ANKRD13C: variants seen among roughly 807,000 people sequenced by gnomAD.
ANKRD13C encodes ankyrin repeat domain 13C.
ANKRD13C carries 16 observed loss-of-function variants against 65.5 expected under a neutral mutation model. That is an observed-to-expected ratio of 0.24 (90% confidence interval 0.17 to 0.37). The LOEUF is 0.37. Ranked by LOEUF, ANKRD13C falls within the 10% of genes least tolerant of loss-of-function variation. ANKRD13C has a pLI of 1.00. For synonymous variants in ANKRD13C, 235 were observed against 238.7 expected, an observed-to-expected ratio of 0.98 and a Z score of 0.14; for missense variants, 503 against 655.9, an observed-to-expected ratio of 0.77 and a Z score of 2.55.
chr1:70,333,903 G>A (rs1681910943), intron 2 of ANKRD13C, among the ~76,000 whole-genome samples: 1 of 152,038 alleles, frequency 6.6e-6, no homozygotes, highest in Admixed American at 6.6e-5. Flanking sequence ...TCTCTAACAT[G>A]TAGCCTTTTA....
At chr1:70,307,412 CAAAT>C (rs1180268768) in intron 5 of ANKRD13C, among the ~76,000 whole-genome samples, 1 of 151,636 alleles carries the variant, frequency 6.6e-6, no homozygotes, top group Non-Finnish European at 1.5e-5. Flanking sequence ...AAACCAGTCT[CAAAT>C]AAATAAATAA....
At chr1:70,342,941 A>G (rs1053816852) in intron 1 of ANKRD13C, among the ~76,000 whole-genome samples, 1 of 152,202 alleles carries the variant, frequency 6.6e-6, no homozygotes, top group African/African-American at 2.4e-5. Flanking sequence ...CAGAGTCTAG[A>G]CAGATAACCT....
rs1380060461 is a variant in ANKRD13C, at chr1:70,263,929, G to GAA, written c.1496-1083_1496-1082insTT. ...CTAGTATTTTATTGCAGAAAGTTAT[G>GAA]TTCTTATGTAAAAAGGAAAACAAAA... On this transcript the variant is annotated intron_variant, in intron 12 of 12. Transcript: ENST00000370944. 2.0e-5 allele frequency among the ~76,000 whole-genome samples: 3 copies of GAA among 152,122 alleles called. No individual in the cohort carries two copies. In the South Asian group the frequency reaches 6.2e-4, roughly 31 times the overall value.
At chr1:70,285,098 T>C (rs12749994) in intron 9 of ANKRD13C, among the ~76,000 whole-genome samples, 1,877 of 152,130 alleles carry the variant, frequency 0.012, 20 homozygotes, top group Non-Finnish European at 0.021. Flanking sequence ...AAAATTAATA[T>C]AGCACATGTC....
chr1:70,272,587 C>CT lies in ANKRD13C; in HGVS notation c.1395-1632dup, dbSNP rs199841601. Among the ~76,000 whole-genome samples, 488 of 147,032 alleles carry CT rather than the reference C, an allele frequency of 3.3e-3. 11 individuals carry two copies. In the East Asian group the frequency reaches 0.059, roughly 18 times the overall value. ...CACATTTTATAAATTCTAAGATATT[C>CT]TTTTTTTTTTTCATGTAACATATCT... On this transcript the variant is annotated intron_variant, in intron 11 of 12. Transcript: ENST00000370944.
chr1:70,268,171 T>A (rs142997780), intron 12 of ANKRD13C, among the ~76,000 whole-genome samples: 1,581 of 151,060 alleles, frequency 0.01, 22 homozygotes, highest in African/African-American at 0.027. Flanking sequence ...ACAGCTAGCT[T>A]CCCCGCCCCC....
intron 1 of ANKRD13C, among the ~76,000 whole-genome samples, chr1:70,339,826 T>C (rs1320992864): frequency 9.7e-6 from 1 of 102,956 alleles, no homozygotes; most frequent in Non-Finnish European, 2.0e-5. Flanking sequence ...TTATTATTAT[T>C]ATTATTATTA....
intron 11 of ANKRD13C, among the ~76,000 whole-genome samples, chr1:70,272,133 T>C (rs913510515): frequency 2.0e-5 from 3 of 152,142 alleles, no homozygotes; most frequent in Non-Finnish European, 4.4e-5. Context: ...ATGTTCTTTC[T>C]TGTTTTCTAT....
At chr1:70,290,423 TATTACA>T (rs1679811287) in intron 9 of ANKRD13C, among the ~76,000 whole-genome samples, 1 of 152,212 alleles carries the variant, frequency 6.6e-6, no homozygotes, top group Non-Finnish European at 1.5e-5. Context: ...TCACAATTTA[TATTACA>T]ATCCGGCACT....
At position 70,285,907 on chromosome 1, in the gene ANKRD13C, A is replaced by G. The variant is rs138844327; in HGVS notation, c.1215+6481T>C. Among the ~76,000 whole-genome samples the G allele has an allele frequency of 2.8e-4, 42 of 152,176 alleles. No individual in the cohort carries two copies. The East Asian group carries it at 8.1e-3, about 29-fold the overall frequency. Reference sequence around the variant, plus strand: ...TGCCGGCCAAGTTAAACTTATATATACCTTTCTTAAAAAGCTTATTGTGCA... The same window carrying G: ...TGCCGGCCAAGTTAAACTTATATATGCCTTTCTTAAAAAGCTTATTGTGCA... On this transcript the variant is annotated intron_variant, in intron 9 of 12. Coordinates refer to ENST00000370944, the MANE Select transcript of ANKRD13C (RefSeq NM_030816.5).
intron 2 of ANKRD13C, among the ~76,000 whole-genome samples, chr1:70,329,680 A>C (rs1295503890): frequency 6.6e-6 from 1 of 152,220 alleles, no homozygotes; most frequent in African/African-American, 2.4e-5. Context: ...GACCCAGCAG[A>C]AAAGATGCCC....
chr1:70,301,967 C>G (rs1054753089), intron 6 of ANKRD13C, among the ~76,000 whole-genome samples: 1 of 151,996 alleles, frequency 6.6e-6, no homozygotes, highest in Non-Finnish European at 1.5e-5. Flanking sequence ...TTTAAGGCTC[C>G]GTGAAAAATC....
intron 2 of ANKRD13C, among the ~76,000 whole-genome samples, chr1:70,328,753 G>T (rs191761681): frequency 2.8e-4 from 42 of 152,314 alleles, no homozygotes; most frequent in African/African-American, 9.9e-4. Flanking sequence ...AATAAGCATA[G>T]AGAAATGTAT....
At chr1:70,313,816 C>T (rs1265008588) in intron 4 of ANKRD13C, 26 bp from the exon 5 acceptor site, 1 of 1,556,364 alleles carries the variant, frequency 6.4e-7, no homozygotes, top group South Asian at 1.1e-5. Flanking sequence ...TGAATAATTA[C>T]TAAATGCACC....
intron 11 of ANKRD13C, among the ~76,000 whole-genome samples, chr1:70,273,623 C>A (rs772767440): frequency 6.6e-6 from 1 of 151,544 alleles, no homozygotes; most frequent in Non-Finnish European, 1.5e-5. Flanking sequence ...AAAGAATAGA[C>A]GAAAATATAA....
At chr1:70,271,847 C>T (rs901682356) in intron 11 of ANKRD13C, among the ~76,000 whole-genome samples, 5 of 152,104 alleles carry the variant, frequency 3.3e-5, no homozygotes, top group African/African-American at 9.7e-5. Flanking sequence ...TACTTGGACG[C>T]CTTTTAAGTA....
At chr1:70,322,964 GC>G (rs2101526097) in intron 3 of ANKRD13C, among the ~76,000 whole-genome samples, 1 of 152,000 alleles carries the variant, frequency 6.6e-6, no homozygotes, top group South Asian at 2.1e-4. Flanking sequence ...TTGCACTCCA[GC>G]CTGGGCAACA....
intron 9 of ANKRD13C, among the ~76,000 whole-genome samples, chr1:70,281,396 CTTTTTTTTTT>C (rs71583111): frequency 1.2e-5 from 1 of 85,340 alleles, no homozygotes; most frequent in Non-Finnish European, 2.3e-5. Flanking sequence ...TGACTAAATT[CTTTTTTTTTT>C]TTTTTTTTTT....
chr1:70,278,222 G>A (rs1470466135), intron 9 of ANKRD13C, among the ~76,000 whole-genome samples: 1 of 150,806 alleles, frequency 6.6e-6, no homozygotes, highest in Non-Finnish European at 1.5e-5. Flanking sequence ...GCCAGGCGTG[G>A]TGGCTCATGC....
Sources: gnomAD v4.1 joint callset for allele counts (sites outside exome capture counted in the v4.1 genomes callset) on GRCh38, gnomAD v4.1.1 for gene constraint, MANE v1.5 for transcripts, NCBI Gene and HGNC (gene_info 2026-07-23, HGNC 2026-07-21) for gene names.